The following ARHGAP24 variants were observed in gnomAD, a reference collection of about 807,000 sequenced individuals.
ARHGAP24 encodes rho GTPase-activating protein 24.
ARHGAP24 carries 50 observed loss-of-function variants against 76.4 expected under a neutral mutation model. That is an observed-to-expected ratio of 0.65 (90% CI 0.52 to 0.83). ARHGAP24 has a LOEUF of 0.83. Ranked by LOEUF, ARHGAP24 falls within the 40% of genes least tolerant of loss-of-function variation. The probability of loss-of-function intolerance (pLI) is 0.00; values close to 1 mark genes in which losing one functional copy is unlikely to be tolerated. For missense variants in ARHGAP24, 930 were observed against 914.2 expected (o/e 1.02, Z -0.22); for synonymous variants, 345 against 323.3 (o/e 1.07, Z -0.72).
At chr4:85,619,282 T>A (rs1720634774) in intron 2 of ARHGAP24, among the ~76,000 whole-genome samples, 1 of 152,018 alleles carries the variant, frequency 6.6e-6, no homozygotes, top group Admixed American at 6.6e-5. Flanking sequence ...TATAAATGCA[T>A]CCATTTATTT....
At chr4:85,943,458 TTTTTA>T (rs1737065949) in intron 5 of ARHGAP24, among the ~76,000 whole-genome samples, 1 of 152,146 alleles carries the variant, frequency 6.6e-6, no homozygotes, top group African/African-American at 2.4e-5. Flanking sequence ...CTGGGGCCTC[TTTTTA>T]TTTTATTTTA....
At chr4:85,487,041 A>C (rs968963536) in intron 1 of ARHGAP24, among the ~76,000 whole-genome samples, 3 of 151,060 alleles carry the variant, frequency 2.0e-5, no homozygotes, top group African/African-American at 4.9e-5. Flanking sequence ...TTTAAGGTGA[A>C]CTTTGCTTTG....
intron 3 of ARHGAP24, among the ~76,000 whole-genome samples, chr4:85,914,625 A>T (rs1262975542): frequency 6.6e-6 from 1 of 152,192 alleles, no homozygotes; most frequent in African/African-American, 2.4e-5. Context: ...TTATCAACTT[A>T]TTGAGACCTT....
At chr4:85,757,934 T>C (rs562182481) in intron 3 of ARHGAP24, among the ~76,000 whole-genome samples, 24 of 152,304 alleles carry the variant, frequency 1.6e-4, no homozygotes, top group African/African-American at 5.5e-4. Context: ...TGGTATCTCA[T>C]TGTGGTTTTG....
At chr4:85,899,787 CCT>C (rs1734393577) in intron 3 of ARHGAP24, among the ~76,000 whole-genome samples, 1 of 152,170 alleles carries the variant, frequency 6.6e-6, no homozygotes. Context: ...GTGGCTCACC[CCT>C]GTTATCCCAA....
At chr4:85,754,277 T>G (rs1007293734) in intron 3 of ARHGAP24, among the ~76,000 whole-genome samples, 2 of 152,256 alleles carry the variant, frequency 1.3e-5, no homozygotes, top group Non-Finnish European at 2.9e-5. Context: ...TTTGTATGGG[T>G]GAATAATATT....
chr4:85,796,597 A>G (rs1276315461), intron 3 of ARHGAP24, among the ~76,000 whole-genome samples: 1 of 152,200 alleles, frequency 6.6e-6, no homozygotes, highest in African/African-American at 2.4e-5. Flanking sequence ...TTGAACAGGG[A>G]CAGTTTAATA....
chr4:85,628,988 A>G (rs1721067743), intron 2 of ARHGAP24, among the ~76,000 whole-genome samples: 1 of 152,166 alleles, frequency 6.6e-6, no homozygotes, highest in South Asian at 2.1e-4. Flanking sequence ...ATTTGAATTT[A>G]TTATTAATAG....
At chr4:85,524,669 T>G (rs1724913019) in intron 1 of ARHGAP24, among the ~76,000 whole-genome samples, 1 of 152,230 alleles carries the variant, frequency 6.6e-6, no homozygotes, top group South Asian at 2.1e-4. Flanking sequence ...AAGCCTATAC[T>G]GGAATCTGGC....
chr4:85,963,967 T>C (rs1338252265), intron 5 of ARHGAP24, among the ~76,000 whole-genome samples: 2 of 152,106 alleles, frequency 1.3e-5, no homozygotes, highest in African/African-American at 4.8e-5. Context: ...TAGTTAGGTA[T>C]GTATTCATGT....
At chr4:85,839,829 C>G (rs932022985) in intron 3 of ARHGAP24, among the ~76,000 whole-genome samples, 3 of 131,182 alleles carry the variant, frequency 2.3e-5, no homozygotes, top group South Asian at 2.5e-4. Flanking sequence ...TACCAAGTGT[C>G]TTTTTTCTGT....
chr4:85,751,092 C>T (rs1235603380), intron 3 of ARHGAP24, among the ~76,000 whole-genome samples: 1 of 152,170 alleles, frequency 6.6e-6, no homozygotes, highest in Non-Finnish European at 1.5e-5. Context: ...TATGTGTGTG[C>T]ACATTATTTA....
chr4:85,715,290 C>T (rs1724690752), intron 2 of ARHGAP24, among the ~76,000 whole-genome samples: 1 of 151,984 alleles, frequency 6.6e-6, no homozygotes, highest in Non-Finnish European at 1.5e-5. Context: ...GTTTACTCAC[C>T]TAGGTTATAA....
chr4:85,619,901 T>C (rs901702249), intron 2 of ARHGAP24, among the ~76,000 whole-genome samples: 1 of 151,968 alleles, frequency 6.6e-6, no homozygotes, highest in African/African-American at 2.4e-5. Context: ...AAATGCCTTA[T>C]CTGCATCTAT....
At chr4:85,960,785 C>T (rs1480998280) in intron 5 of ARHGAP24, among the ~76,000 whole-genome samples, 1 of 152,026 alleles carries the variant, frequency 6.6e-6, no homozygotes, top group African/African-American at 2.4e-5. Flanking sequence ...AGGCCAAATG[C>T]CTGCCTGGGT....
chr4:85,888,324 C>T (rs777409679), intron 3 of ARHGAP24, among the ~76,000 whole-genome samples: 102 of 148,716 alleles, frequency 6.9e-4, no homozygotes, highest in African/African-American at 8.9e-4. Flanking sequence ...CGCTTGAATC[C>T]GGGAGGCAGA....
chr4:85,675,874 T>C (rs1242830759), intron 2 of ARHGAP24, among the ~76,000 whole-genome samples: 1 of 152,180 alleles, frequency 6.6e-6, no homozygotes, highest in Admixed American at 6.5e-5. Flanking sequence ...GCTGTTCATA[T>C]GTAATTATGT....
intron 3 of ARHGAP24, among the ~76,000 whole-genome samples, chr4:85,859,777 A>G (rs1731785634): frequency 6.6e-6 from 1 of 152,130 alleles, no homozygotes; most frequent in African/African-American, 2.4e-5. Flanking sequence ...GCCTAAGCCT[A>G]CTAATGAGAC....
rs1722912938 is a variant in ARHGAP24, at chr4:85,483,806, G to A, written c.-21+8247G>A. On this transcript the variant is annotated intron_variant, in intron 1 of 9. Transcript: ENST00000395184. ...CTTTAAGGGTGCAATTCTCAAGTGTGGTACCAGGACCAGCAGCATCAGTTC... is the reference window on the plus strand; with the variant it reads ...CTTTAAGGGTGCAATTCTCAAGTGTAGTACCAGGACCAGCAGCATCAGTTC... Among the ~76,000 whole-genome samples the A allele has an allele frequency of 2.0e-5, 3 of 152,024 alleles. No individual in the cohort carries two copies. The South Asian group carries it at 6.2e-4, about 32-fold the overall frequency.
Sources: allele counts gnomAD v4.1 joint callset (sites outside exome capture counted in the v4.1 genomes callset), GRCh38; gene constraint gnomAD v4.1.1; transcripts MANE v1.5; gene names NCBI Gene and HGNC (gene_info 2026-07-23, HGNC 2026-07-21).